Variants in ATIC observed in about 807,000 individuals in gnomAD.
ATIC encodes the protein bifunctional purine biosynthesis protein ATIC.
A neutral mutation model predicts 72.5 loss-of-function variants in ATIC; 64 were observed. The observed-to-expected ratio is 0.88, with a 90% CI of 0.72 to 1.09. The LOEUF (loss-of-function observed/expected upper bound fraction) is 1.09, where lower values mean the gene tolerates loss of function less well. Among genes scored for constraint, ATIC ranks in the 50% least tolerant of loss-of-function variants. The pLI is 0.00. For synonymous variants in ATIC, 281 were observed against 267.1 expected (o/e 1.05, Z -0.51); for missense variants, 787 against 732.4 (o/e 1.07, Z -0.86).
the ATIC span, among the ~76,000 whole-genome samples, chr2:215,357,664 G>A: frequency 6.6e-6 from 1 of 151,706 alleles, no homozygotes; most frequent in African/African-American, 2.4e-5. Flanking sequence ...TGCAATTCAA[G>A]TTGAATCTTT....
In ATIC at chr2:215,336,123, A is replaced by G; in HGVS notation, c.1097A>G (p.Gln366Arg). 6.2e-7 allele frequency: 1 copy of G among 1,604,192 alleles called. No homozygotes were observed. Among genetic ancestry groups the G allele is most frequent in the Non-Finnish European group, 8.5e-7 (1 of 1,171,108 alleles). Residue 366 changes from glutamine to arginine, a missense_variant and splice_region_variant, in exon 11 of 16, where the codon CAG (glutamine) becomes CGG (arginine). Coordinates refer to ENST00000236959, the MANE Select transcript of ATIC (RefSeq NM_004044.7). ...AAAAATGGAAACTATTGTGTCCTTC[A>G]GGTGAGTGCAATTCATGTTTGAAGC... ...KKKNGNYCVL[Q>R]MDQSYKPDEN...
chr2:215,365,022 G>C, the ATIC span: 1 of 1,344,768 alleles, frequency 7.4e-7, no homozygotes, highest in Non-Finnish European at 1.0e-6. Flanking sequence ...CGCATAAGCT[G>C]AGAACAATAC....
downstream of ATIC, among the ~76,000 whole-genome samples, chr2:215,350,761 C>G (rs753460896): frequency 6.6e-6 from 1 of 152,194 alleles, no homozygotes; most frequent in Non-Finnish European, 1.5e-5. Flanking sequence ...TCAGGACAGA[C>G]CTGTGCATCT....
intron 7 of ATIC, among the ~76,000 whole-genome samples, chr2:215,328,185 A>C (rs529661082): frequency 1.3e-5 from 2 of 152,098 alleles, no homozygotes; most frequent in East Asian, 3.9e-4. Context: ...CAGATCTCAG[A>C]TACACTTTGA....
chr2:215,312,460 G>A (rs1479063793), intron 1 of ATIC, 38 bp from the exon 2 acceptor site: 3 of 1,614,118 alleles, frequency 1.9e-6, no homozygotes, highest in African/African-American at 1.3e-5. Flanking sequence ...ACAGTGCAAT[G>A]TGCTGCGAAT....
the ATIC span, among the ~76,000 whole-genome samples, chr2:215,358,043 A>G: frequency 1.3e-5 from 2 of 152,210 alleles, no homozygotes; most frequent in African/African-American, 2.4e-5. Context: ...AGAAGTTTCA[A>G]TGGAAATATA....
chr2:215,312,146 G>A lies in ATIC; in HGVS notation c.4G>A (p.Ala2Thr). Residue 2 changes from alanine to threonine, a missense_variant, in exon 1 of 16, where the codon GCT becomes ACT. Coordinates refer to ENST00000236959, the MANE Select transcript of ATIC (RefSeq NM_004044.7). M[A>T]PGQLALFSVS... ...CCTGAACCCAGTGCCTGCAGCCATG[G>A]CTCCCGGCCAGCTCGGTGAGGCCCT... The A allele has an allele frequency of 6.6e-7, 1 of 1,524,110 alleles. No homozygotes were observed. The allele number at this position is 1,524,110 out of a possible 1,614,324, so 94.4% of individuals were successfully genotyped here. A position where few individuals can be genotyped will look rare whatever the true frequency, so the allele number is the denominator to read the frequency against.
At chr2:215,362,027 C>T in the ATIC span, 1 of 1,614,036 alleles carries the variant, frequency 6.2e-7, no homozygotes, top group Non-Finnish European at 8.5e-7. Context: ...GCCAGTAGTG[C>T]CTTCGGGACT....
chr2:215,361,768 A>C, the ATIC span: 5 of 977,380 alleles, frequency 5.1e-6, no homozygotes, highest in Non-Finnish European at 7.9e-6. Context: ...ACCTAGCAGC[A>C]TACTGGGCAA....
intron 12 of ATIC, among the ~76,000 whole-genome samples, chr2:215,339,999 T>G (rs989790024): frequency 6.7e-6 from 1 of 149,582 alleles, no homozygotes; most frequent in Non-Finnish European, 1.5e-5. Flanking sequence ...TCTGTTTGAA[T>G]GTTTTTATTC....
chr2:215,333,185 T>C (rs962055843), intron 8 of ATIC, among the ~76,000 whole-genome samples, 165 bp from the exon 9 acceptor site: 22 of 152,222 alleles, frequency 1.4e-4, no homozygotes, highest in Admixed American at 3.9e-4. Context: ...CACAACCATA[T>C]TTTTAGTGTA....
intron 14 of ATIC, chr2:215,347,265 G>T: frequency 2.5e-6 from 1 of 394,688 alleles, no homozygotes; most frequent in Non-Finnish European, 4.8e-6. Context: ...CTACGTCGAG[G>T]TGCCTGCCAC....
chr2:215,345,009 C>T, intron 13 of ATIC, 138 bp downstream of exon 13: 1 of 889,354 alleles, frequency 1.1e-6, no homozygotes, highest in Non-Finnish European at 1.8e-6. Context: ...GTCAGTGTTT[C>T]CTCAGTACCC....
intron 12 of ATIC, among the ~76,000 whole-genome samples, chr2:215,342,165 G>T (rs984267797): frequency 6.6e-6 from 1 of 152,080 alleles, no homozygotes; most frequent in Middle Eastern, 3.2e-3. Flanking sequence ...CAGCCAAACC[G>T]TATCACCAAG....
chr2:215,336,272 A>G (rs1379180779), intron 11 of ATIC, 148 bp downstream of exon 11: 3 of 688,490 alleles, frequency 4.4e-6, no homozygotes, highest in South Asian at 3.9e-5. Flanking sequence ...AAAAAATACT[A>G]TTAACTTGGG....
chr2:215,313,179 C>T (rs2105986154), intron 2 of ATIC, among the ~76,000 whole-genome samples: 1 of 152,310 alleles, frequency 6.6e-6, no homozygotes, highest in African/African-American at 2.4e-5. Flanking sequence ...CGTGCTGTTC[C>T]TGATTTTAGG....
chr2:215,320,767 G>T (rs993665233), intron 4 of ATIC, among the ~76,000 whole-genome samples: 1 of 152,180 alleles, frequency 6.6e-6, no homozygotes, highest in Admixed American at 6.5e-5. Context: ...TTTTAGTAGA[G>T]ATGGGGTTTC....
chr2:215,365,436 A>C, the ATIC span: 13 of 1,503,934 alleles, frequency 8.6e-6, no homozygotes, highest in South Asian at 1.5e-4. Context: ...TCTGTGAATG[A>C]GAGTTACAGC....
intron 7 of ATIC, among the ~76,000 whole-genome samples, chr2:215,332,004 A>G (rs1183220619): frequency 6.6e-6 from 1 of 152,112 alleles, no homozygotes; most frequent in East Asian, 1.9e-4. Flanking sequence ...GATTACCTCA[A>G]TTGTTTAATC....
Sources: gnomAD v4.1 joint callset for allele counts (sites outside exome capture counted in the v4.1 genomes callset) on GRCh38, gnomAD v4.1.1 for gene constraint, MANE v1.5 for transcripts, NCBI Gene and HGNC (gene_info 2026-07-23, HGNC 2026-07-21) for gene names.